The following NDUFA10 variants were observed in gnomAD, a reference collection of about 807,000 sequenced individuals.
NDUFA10 encodes NADH:ubiquinone oxidoreductase subunit A10, also known as NADH dehydrogenase [ubiquinone] 1 alpha subcomplex subunit 10, mitochondrial.
Under a neutral mutation model 47.8 loss-of-function variants are expected in NDUFA10, and 40 were observed. The ratio of observed to expected loss-of-function variants is 0.84; its 90% CI spans 0.65 to 1.09. The LOEUF is 1.09. Among genes scored for constraint, NDUFA10 ranks in the 50% least tolerant of loss-of-function variants. The probability of loss-of-function intolerance (pLI) is 0.00; values close to 1 mark genes in which losing one functional copy is unlikely to be tolerated. For synonymous variants in NDUFA10, 183 were observed against 172.2 expected, an observed-to-expected ratio of 1.06 and a Z score of -0.49; for missense variants, 413 against 451.1, an observed-to-expected ratio of 0.92 and a Z score of 0.76.
chr2:240,005,146 C>A, intron 8 of NDUFA10, 64 bp downstream of exon 8: 2 of 1,387,170 alleles, frequency 1.4e-6, no homozygotes, highest in South Asian at 2.3e-5. Flanking sequence ...TCAAACTTCC[C>A]TAAGTTTCCC....
At chr2:239,902,047 G>A (rs1574765114) in intron 4 of NDUFA10, among the ~76,000 whole-genome samples, 1 of 152,182 alleles carries the variant, frequency 6.6e-6, no homozygotes, top group Non-Finnish European at 1.5e-5. Context: ...TGTCGTGACC[G>A]TTGTTGAAAT....
intron 4 of NDUFA10, among the ~76,000 whole-genome samples, chr2:239,949,433 AG>A (rs1694513856): frequency 6.6e-6 from 1 of 152,198 alleles, no homozygotes; most frequent in South Asian, 2.1e-4. Context: ...CAGCGTGGGC[AG>A]GCATCCTCCA....
chr2:239,956,439 A>G (rs561449296), downstream of NDUFA10, among the ~76,000 whole-genome samples: 4 of 152,254 alleles, frequency 2.6e-5, no homozygotes, highest in Admixed American at 6.5e-5. Context: ...CTCCTCTTAC[A>G]ACGTCTAAAA....
chr2:239,968,178 G>A (rs574858823), intron 9 of NDUFA10, among the ~76,000 whole-genome samples: 5 of 152,332 alleles, frequency 3.3e-5, no homozygotes, highest in East Asian at 3.9e-4. Flanking sequence ...GATGGAGGGC[G>A]AAAAGGGTGG....
At chr2:239,974,209 G>A (rs1695418259) in intron 9 of NDUFA10, among the ~76,000 whole-genome samples, 1 of 152,144 alleles carries the variant, frequency 6.6e-6, no homozygotes, top group South Asian at 2.1e-4. Context: ...GATTACAGGC[G>A]TGAGCCACTG....
chr2:239,915,677 TAC>T (rs1435318339), intron 4 of NDUFA10, among the ~76,000 whole-genome samples: 14 of 117,620 alleles, frequency 1.2e-4, no homozygotes, highest in African/African-American at 4.8e-4. Context: ...CACAAACATA[TAC>T]ACACACAGAA....
At chr2:240,021,931 T>C (rs549602042) in intron 2 of NDUFA10, among the ~76,000 whole-genome samples, 4 of 152,206 alleles carry the variant, frequency 2.6e-5, no homozygotes, top group Non-Finnish European at 5.9e-5. Context: ...AAAATTCCAA[T>C]TCAAATTGAC....
At position 239,945,458 on chromosome 2, in the gene NDUFA10, G is replaced by A. The variant is rs1250869695; in HGVS notation, c.294+44616C>T. On this transcript the variant is annotated intron_variant, in intron 4 of 5. Coordinates refer to the NDUFA10 transcript ENST00000419408. The surrounding 1 kb of genome is among the most constrained non-coding windows in gnomAD (Gnocchi z 4.6). ...AAAGACGCTGGGAGGCCCCTCGGGG[G>A]AAGAGCGGACACCCCAACCGGAACG... Among the ~76,000 whole-genome samples the A allele has an allele frequency of 6.6e-6, 1 of 152,142 alleles. No individual in the cohort carries two copies. Among genetic ancestry groups the A allele is most frequent in the Non-Finnish European group, 1.5e-5 (1 of 68,028 alleles).
Position 239,958,783 on chromosome 2 carries a change from A to G in NDUFA10, c.*2335T>C, listed in dbSNP as rs748108154. On this transcript the variant is annotated 3_prime_UTR_variant, in exon 10 of 10. Transcript: ENST00000252711. ...AAAACAAGGACTTTCTTTTCAATAC[A>G]GAATTCTCATGCCTGTAAACACATG... The G allele has an allele frequency of 1.3e-5, 4 of 304,836 alleles. No individual in the cohort carries two copies. The highest frequency in any genetic ancestry group is 1.9e-5 in the Non-Finnish European group (4 of 207,746). The allele number at this position is 304,836 out of a possible 1,614,324, so 18.9% of individuals were successfully genotyped here. A position where few individuals can be genotyped will look rare whatever the true frequency, so the allele number is the denominator to read the frequency against.
intron 8 of NDUFA10, among the ~76,000 whole-genome samples, chr2:239,993,174 A>G (rs1696323051): frequency 6.6e-6 from 1 of 152,218 alleles, no homozygotes; most frequent in Admixed American, 6.5e-5. Flanking sequence ...ACATAACTAA[A>G]TAACTACATG....
chr2:239,992,866 A>G (rs990752455), intron 8 of NDUFA10, among the ~76,000 whole-genome samples: 19 of 152,220 alleles, frequency 1.2e-4, no homozygotes, highest in African/African-American at 4.6e-4. Context: ...CTAAACCAAT[A>G]ATTTGGTCAG....
chr2:239,937,350 G>T (rs949521984), intron 4 of NDUFA10, among the ~76,000 whole-genome samples: 2 of 152,156 alleles, frequency 1.3e-5, no homozygotes, highest in Non-Finnish European at 2.9e-5. Context: ...GATGCCTCAT[G>T]CCCATGGACA....
At chr2:239,951,448 GGCCTCACTTCTGA>G (rs979639087) in intron 4 of NDUFA10, among the ~76,000 whole-genome samples, 1 of 152,188 alleles carries the variant, frequency 6.6e-6, no homozygotes, top group Non-Finnish European at 1.5e-5. Flanking sequence ...TGTGTTCTCA[GGCCTCACTTCTGA>G]GCCTCCATAA....
intron 4 of NDUFA10, among the ~76,000 whole-genome samples, chr2:239,942,665 T>C (rs1185096809): frequency 6.6e-6 from 1 of 152,126 alleles, no homozygotes; most frequent in African/African-American, 2.4e-5. Flanking sequence ...GCCTTCCGCA[T>C]GTTTATCTTG....
chr2:239,993,879 A>G (rs1179027346), intron 8 of NDUFA10, among the ~76,000 whole-genome samples: 1 of 152,132 alleles, frequency 6.6e-6, no homozygotes, highest in East Asian at 1.9e-4. Context: ...CCAGGATTCA[A>G]GCCTGAACAG....
chr2:239,952,985 G>A (rs1230293758), downstream of NDUFA10, among the ~76,000 whole-genome samples: 5 of 152,324 alleles, frequency 3.3e-5, no homozygotes, highest in East Asian at 9.7e-4. Context: ...CCCAGAGCAG[G>A]GCCTGTGGCT....
chr2:239,986,024 C>T (rs1695988133), intron 9 of NDUFA10, among the ~76,000 whole-genome samples: 2 of 151,498 alleles, frequency 1.3e-5, no homozygotes, highest in South Asian at 2.1e-4. Flanking sequence ...CACCTACTTA[C>T]ACAACACACA....
intron 1 of NDUFA10, 82 bp downstream of exon 1, chr2:240,025,145 G>A: frequency 8.5e-7 from 1 of 1,178,384 alleles, no homozygotes; most frequent in Non-Finnish European, 1.1e-6. Context: ...GCCAGAGGCC[G>A]GGGGAGATGT....
chr2:240,022,363 G>A, intron 1 of NDUFA10, 23 bp from the exon 2 acceptor site: 1 of 1,613,774 alleles, frequency 6.2e-7, no homozygotes, highest in Non-Finnish European at 8.5e-7. Context: ...AAATCACACA[G>A]CAGCACATTG....
Sources: allele counts gnomAD v4.1 joint callset (sites outside exome capture counted in the v4.1 genomes callset), GRCh38; gene constraint gnomAD v4.1.1; non-coding constraint Gnocchi (gnomAD v3.1); transcripts MANE v1.5; gene names NCBI Gene and HGNC (gene_info 2026-07-23, HGNC 2026-07-21).